The following DTNA variants were observed in gnomAD, a reference collection of about 807,000 sequenced individuals.
DTNA encodes the protein dystrobrevin alpha.
In DTNA, 43 loss-of-function variants were observed where a neutral mutation model predicts 100.7. The ratio of observed to expected loss-of-function variants is 0.43; its 90% CI spans 0.33 to 0.55. The LOEUF is 0.55. Ranked by LOEUF, DTNA falls within the 20% of genes least tolerant of loss-of-function variation. The probability of loss-of-function intolerance (pLI) is 0.04; values close to 1 mark genes in which losing one functional copy is unlikely to be tolerated. For synonymous variants in DTNA, 349 were observed against 347.9 expected (o/e 1.00, Z -0.04); for missense variants, 798 against 953.9 (o/e 0.84, Z 2.15).
intron 1 of DTNA, among the ~76,000 whole-genome samples, chr18:34,715,416 C>T (rs28533673): frequency 6.6e-6 from 1 of 152,080 alleles, no homozygotes; most frequent in African/African-American, 2.4e-5. Context: ...TCCCCACTCT[C>T]AAACACACAT....
intron 1 of DTNA, among the ~76,000 whole-genome samples, chr18:34,636,712 G>A (rs1409038637): frequency 1.3e-5 from 2 of 152,254 alleles, no homozygotes; most frequent in African/African-American, 4.8e-5. Context: ...TTGAGGAACA[G>A]AACCATACAG....
intron 1 of DTNA, among the ~76,000 whole-genome samples, chr18:34,551,106 A>G (rs2045360080): frequency 6.6e-6 from 1 of 152,182 alleles, no homozygotes; most frequent in Non-Finnish European, 1.5e-5. Context: ...ATCACTATGA[A>G]TAGACTGGCC....
At chr18:34,561,050 G>A (rs2146221876) in intron 1 of DTNA, among the ~76,000 whole-genome samples, 1 of 152,218 alleles carries the variant, frequency 6.6e-6, no homozygotes, top group Middle Eastern at 3.4e-3. Context: ...TATTTAAATT[G>A]AATGTTAATT....
chr18:34,735,768 C>T (rs1302022517), intron 1 of DTNA, among the ~76,000 whole-genome samples: 1 of 152,122 alleles, frequency 6.6e-6, no homozygotes, highest in Non-Finnish European at 1.5e-5. Context: ...TGGTTTGCTA[C>T]ACCTATCAAC....
At chr18:34,616,580 T>C (rs575756676) in intron 1 of DTNA, among the ~76,000 whole-genome samples, 27 of 152,324 alleles carry the variant, frequency 1.8e-4, no homozygotes, top group African/African-American at 6.3e-4. Context: ...TCCAGCTTTG[T>C]TCTTTTTGCT....
At chr18:34,785,207 C>T (rs763075072) in intron 3 of DTNA, among the ~76,000 whole-genome samples, 22 of 152,258 alleles carry the variant, frequency 1.4e-4, no homozygotes, top group Admixed American at 9.8e-4. Context: ...GCCACCACAC[C>T]GGCCCCTGAA....
chr18:34,674,509 T>C (rs897685604), intron 1 of DTNA, among the ~76,000 whole-genome samples: 13 of 152,188 alleles, frequency 8.5e-5, no homozygotes, highest in African/African-American at 3.1e-4. Context: ...TTAATTAATA[T>C]GCTTGTGTCT....
intron 1 of DTNA, among the ~76,000 whole-genome samples, chr18:34,553,990 C>T (rs372391202): frequency 9.4e-5 from 14 of 148,518 alleles, no homozygotes; most frequent in East Asian, 2.0e-4. Context: ...TTTCACGATA[C>T]TGATTCTTCC....
At chr18:34,669,270 A>G (rs538335759) in intron 1 of DTNA, among the ~76,000 whole-genome samples, 1 of 151,540 alleles carries the variant, frequency 6.6e-6, no homozygotes, top group South Asian at 2.1e-4. Context: ...TTTGTTTTCC[A>G]TTTGCTTGGT....
At chr18:34,674,019 C>A (rs934663735) in intron 1 of DTNA, among the ~76,000 whole-genome samples, 4 of 152,246 alleles carry the variant, frequency 2.6e-5, no homozygotes, top group African/African-American at 7.2e-5. Context: ...TCTGCAATCA[C>A]TGGGCTGTGA....
chr18:34,532,454 T>A (rs1046289075), intron 1 of DTNA, among the ~76,000 whole-genome samples: 1 of 152,194 alleles, frequency 6.6e-6, no homozygotes, highest in East Asian at 1.9e-4. Flanking sequence ...GAGATCATTC[T>A]ATGGAGGGTT....
chr18:34,750,567 A>C (rs189970585), intron 1 of DTNA, among the ~76,000 whole-genome samples: 1 of 152,236 alleles, frequency 6.6e-6, no homozygotes, highest in Non-Finnish European at 1.5e-5. Context: ...TTTAATAATT[A>C]ACAGAAAAAA....
chr18:34,764,038 G>A (rs1568444546), intron 2 of DTNA, among the ~76,000 whole-genome samples: 1 of 152,164 alleles, frequency 6.6e-6, no homozygotes, highest in Non-Finnish European at 1.5e-5. Context: ...AAATGGCAGG[G>A]GGAAAAGAGT....
chr18:34,838,152 G>A lies in DTNA; in HGVS notation c.1234G>A (p.Ala412Thr), dbSNP rs1292890054. Reference sequence around the variant, plus strand: ...CAAACTGCTGGCTAGGGCTGCTCCAGCTTTTCTGAAGGGCAAAGGGTAAGT... The same window carrying A: ...CAAACTGCTGGCTAGGGCTGCTCCAACTTTTCTGAAGGGCAAAGGGTAAGT... The part of the protein sequence containing the change: ...QNKLLARAAP[A>T]FLKGKGIQYS... The change falls in exon 12 of 23, where the codon GCT becomes ACT. Residue 412 changes from alanine (A) to threonine (T), a missense_variant. Around this residue, in one of 6 missense-constraint regions of DTNA, gnomAD observed 159 missense variants for 201.2 expected, o/e 0.79. Transcript: ENST00000444659. The A allele has an allele frequency of 1.2e-6, 2 of 1,613,880 alleles. No individual in the cohort carries two copies. The highest frequency in any genetic ancestry group is 3.3e-5 in the Admixed American group (2 of 60,006).
chr18:34,783,296 A>G (rs1457508777), intron 3 of DTNA, among the ~76,000 whole-genome samples: 1 of 152,226 alleles, frequency 6.6e-6, no homozygotes, highest in East Asian at 1.9e-4. Flanking sequence ...TGCAGACACA[A>G]TTTAAGGAAT....
chr18:34,660,279 C>A (rs984245871), intron 1 of DTNA, among the ~76,000 whole-genome samples: 1 of 151,890 alleles, frequency 6.6e-6, no homozygotes, highest in African/African-American at 2.4e-5. Flanking sequence ...TAGTTCAGGC[C>A]GTGAGAGGAA....
At chr18:34,548,259 C>T (rs1343585858) in intron 1 of DTNA, among the ~76,000 whole-genome samples, 1 of 152,062 alleles carries the variant, frequency 6.6e-6, no homozygotes, top group Non-Finnish European at 1.5e-5. Flanking sequence ...GGACTGTAGT[C>T]TTGCCTGAAG....
At chr18:34,813,641 T>A (rs1446649364) in intron 6 of DTNA, among the ~76,000 whole-genome samples, 2 of 151,904 alleles carry the variant, frequency 1.3e-5, no homozygotes, top group Non-Finnish European at 2.9e-5. Context: ...GATCACAAGG[T>A]CAGGAGTTTG....
At chr18:34,731,106 T>C (rs1415490839) in intron 1 of DTNA, among the ~76,000 whole-genome samples, 1 of 152,224 alleles carries the variant, frequency 6.6e-6, no homozygotes, top group Non-Finnish European at 1.5e-5. Flanking sequence ...AATGGCCTCC[T>C]CTGAAAGCAA....
Sources: gnomAD v4.1 joint callset for allele counts (sites outside exome capture counted in the v4.1 genomes callset) on GRCh38, gnomAD v4.1.1 for gene constraint, gnomAD v4.1.1 regional missense constraint, MANE v1.5 for transcripts, NCBI Gene and HGNC (gene_info 2026-07-23, HGNC 2026-07-21) for gene names.